PCCA: variants seen among roughly 807,000 people sequenced by gnomAD.
The protein encoded by PCCA is propionyl-CoA carboxylase alpha chain, mitochondrial.
In PCCA, 74 loss-of-function variants were observed where a neutral mutation model predicts 101.3. That is an observed-to-expected ratio of 0.73 (90% CI 0.61 to 0.89). PCCA has a LOEUF of 0.89. PCCA is among the 40% of genes least tolerant of loss of function. The probability of loss-of-function intolerance (pLI) is 0.00; values close to 1 mark genes in which losing one functional copy is unlikely to be tolerated. For synonymous variants in PCCA, 294 were observed against 313.6 expected (o/e 0.94, Z 0.66); for missense variants, 891 against 907.0 (o/e 0.98, Z 0.23).
intron 19 of PCCA, among the ~76,000 whole-genome samples, chr13:100,388,294 C>G (rs1475243732): frequency 6.6e-6 from 1 of 151,746 alleles, no homozygotes; most frequent in African/African-American, 2.4e-5. Flanking sequence ...CATAGTGAGA[C>G]CCTGTCTCTA....
chr13:100,478,052 A>G (rs2083559703), intron 21 of PCCA, among the ~76,000 whole-genome samples: 1 of 152,222 alleles, frequency 6.6e-6, no homozygotes, highest in Non-Finnish European at 1.5e-5. Flanking sequence ...TTAGCAAATG[A>G]TCAGCTGTGA....
chr13:100,389,585 A>G (rs903243599), intron 19 of PCCA, among the ~76,000 whole-genome samples: 3 of 152,202 alleles, frequency 2.0e-5, no homozygotes, highest in Non-Finnish European at 4.4e-5. Context: ...AAGTGTACCT[A>G]TGTAACAAAC....
intron 21 of PCCA, among the ~76,000 whole-genome samples, chr13:100,482,620 C>T (rs1029378039): frequency 1.3e-5 from 2 of 152,182 alleles, no homozygotes; most frequent in Non-Finnish European, 2.9e-5. Context: ...AGAGAGCGTT[C>T]GCTCGTTCCC....
chr13:100,309,583 C>T (rs923601543), intron 15 of PCCA, among the ~76,000 whole-genome samples: 4 of 151,918 alleles, frequency 2.6e-5, no homozygotes, highest in Admixed American at 6.6e-5. Flanking sequence ...ACTTTTGTTA[C>T]GTTTTTGTTT....
chr13:100,222,090 G>T (rs2059853265), intron 7 of PCCA, among the ~76,000 whole-genome samples: 1 of 151,596 alleles, frequency 6.6e-6, no homozygotes, highest in African/African-American at 2.4e-5. Context: ...TGCCCAGACT[G>T]GAGTACAGTG....
At chr13:100,414,553 G>A (rs2078237440) in intron 19 of PCCA, among the ~76,000 whole-genome samples, 1 of 152,152 alleles carries the variant, frequency 6.6e-6, no homozygotes, top group South Asian at 2.1e-4. Context: ...TGAAGCGAGT[G>A]ACTTAGCAAC....
intron 18 of PCCA, among the ~76,000 whole-genome samples, chr13:100,348,920 T>TTTCTTTCTTTCCTTCCTTCCTTCCTTTC (rs1555429132): frequency 1.1e-5 from 1 of 89,020 alleles, no homozygotes; most frequent in Non-Finnish European, 2.3e-5. Context: ...CTTTCTTTTC[T>TTTCTTTCTTTCCTTCCTTCCTTCCTTTC]TTTCTTTTCT....
intron 6 of PCCA, among the ~76,000 whole-genome samples, chr13:100,205,744 G>C (rs544126043): frequency 1.3e-5 from 2 of 152,082 alleles, no homozygotes; most frequent in East Asian, 3.9e-4. Context: ...CTGATTGCTT[G>C]ATTACATCTG....
At chr13:100,214,237 T>C (rs183275644) in intron 7 of PCCA, among the ~76,000 whole-genome samples, 67 of 152,232 alleles carry the variant, frequency 4.4e-4, no homozygotes, top group African/African-American at 1.5e-3. Context: ...GATTTTTTTT[T>C]CTATTTCTGT....
chr13:100,335,011 A>G (rs1051180693), intron 17 of PCCA, among the ~76,000 whole-genome samples: 1 of 152,208 alleles, frequency 6.6e-6, no homozygotes, highest in Non-Finnish European at 1.5e-5. Context: ...AAAAGAAAAG[A>G]AAGAAGATGC....
At chr13:100,471,123 A>C (rs528236801) in intron 21 of PCCA, among the ~76,000 whole-genome samples, 2 of 152,166 alleles carry the variant, frequency 1.3e-5, no homozygotes, top group Non-Finnish European at 2.9e-5. Flanking sequence ...CTTAGAGGCC[A>C]CTGTAGGGTT....
chr13:100,217,682 G>GTCTCTA, intron 7 of PCCA, among the ~76,000 whole-genome samples: 1 of 151,302 alleles, frequency 6.6e-6, no homozygotes, highest in East Asian at 1.9e-4. Context: ...GTGAAACCCT[G>GTCTCTA]TCTCTACTAA....
intron 4 of PCCA, among the ~76,000 whole-genome samples, chr13:100,146,756 T>G (rs2052620511): frequency 6.6e-6 from 1 of 152,020 alleles, no homozygotes; most frequent in South Asian, 2.1e-4. Context: ...GTTGGGAAAT[T>G]AATCTCTAAT....
intron 4 of PCCA, chr13:100,150,759 A>G (rs935320834): frequency 6.3e-7 from 1 of 1,590,578 alleles, no homozygotes; most frequent in Admixed American, 1.7e-5. Context: ...AGGACTCTCA[A>G]AGCCCCACAG....
intron 21 of PCCA, among the ~76,000 whole-genome samples, chr13:100,513,545 T>G (rs998248308): frequency 1.3e-5 from 2 of 152,242 alleles, no homozygotes; most frequent in African/African-American, 4.8e-5. Context: ...GTCAGAATCT[T>G]GTAATTTCTG....
At chr13:100,366,768 C>G (rs2075204273) in intron 18 of PCCA, among the ~76,000 whole-genome samples, 1 of 152,086 alleles carries the variant, frequency 6.6e-6, no homozygotes, top group Admixed American at 6.5e-5. Context: ...CCTGTGTGTA[C>G]AGTGTGCATT....
At chr13:100,160,300 C>T (rs1045387292) in intron 6 of PCCA, among the ~76,000 whole-genome samples, 7 of 151,966 alleles carry the variant, frequency 4.6e-5, no homozygotes, top group Admixed American at 3.3e-4. Context: ...GTCAGGAATT[C>T]GAGACCAGCT....
intron 20 of PCCA, among the ~76,000 whole-genome samples, chr13:100,445,422 T>C (rs951504507): frequency 6.6e-6 from 1 of 152,204 alleles, no homozygotes; most frequent in Non-Finnish European, 1.5e-5. Flanking sequence ...CATATACTTA[T>C]TCTGTATGTG....
At chr13:100,110,484 T>G (rs1190696882) in intron 2 of PCCA, among the ~76,000 whole-genome samples, 1 of 152,196 alleles carries the variant, frequency 6.6e-6, no homozygotes, top group Non-Finnish European at 1.5e-5. Flanking sequence ...AAAGCTGGAC[T>G]TGGGTTTAGG....
Sources: gnomAD v4.1 joint callset for allele counts (sites outside exome capture counted in the v4.1 genomes callset) on GRCh38, gnomAD v4.1.1 for gene constraint, MANE v1.5 for transcripts, NCBI Gene and HGNC (gene_info 2026-07-23, HGNC 2026-07-21) for gene names.